The following PIK3R5 variants were observed in gnomAD, a reference collection of about 807,000 sequenced individuals.
PIK3R5 encodes phosphoinositide-3-kinase regulatory subunit 5.
Under a neutral mutation model 94.9 loss-of-function variants are expected in PIK3R5, and 32 were observed. That is an observed-to-expected ratio of 0.34 (90% CI 0.25 to 0.45). PIK3R5 has a LOEUF of 0.45. PIK3R5 is among the 20% of genes least tolerant of loss of function. The pLI, the probability that PIK3R5 is intolerant of heterozygous loss-of-function variation, is 1.00. For missense variants in PIK3R5, 853 were observed against 1,144.6 expected (o/e 0.75, Z 3.68); for synonymous variants, 443 against 479.4 (o/e 0.92, Z 0.99).
At chr17:8,919,371 T>C (rs1430641083) in intron 1 of PIK3R5, among the ~76,000 whole-genome samples, 1 of 152,224 alleles carries the variant, frequency 6.6e-6, no homozygotes, top group African/African-American at 2.4e-5. Flanking sequence ...TATCAAATGA[T>C]TCCCTACCTT....
chr17:8,933,422 G>A (rs2091020142), intron 1 of PIK3R5, among the ~76,000 whole-genome samples: 1 of 152,130 alleles, frequency 6.6e-6, no homozygotes, highest in Non-Finnish European at 1.5e-5. Context: ...ATGGTCACCA[G>A]CAGACATGTA....
intron 14 of PIK3R5, among the ~76,000 whole-genome samples, 165 bp downstream of exon 14, chr17:8,886,052 TCACCCAGCCACC>T (rs1280773120): frequency 1.4e-5 from 2 of 144,154 alleles, no homozygotes; most frequent in Non-Finnish European, 3.0e-5. Context: ...GCCTACCGGG[TCACCCAGCCACC>T]CCATGGCCCC....
intron 6 of PIK3R5, among the ~76,000 whole-genome samples, chr17:8,891,151 A>G (rs2090014089): frequency 6.6e-6 from 1 of 152,224 alleles, no homozygotes; most frequent in South Asian, 2.1e-4. Context: ...GTTTTCAAAG[A>G]TCTTTTCAAA....
intron 1 of PIK3R5, among the ~76,000 whole-genome samples, chr17:8,944,731 C>T (rs4791771): frequency 0.31 from 47,697 of 152,018 alleles, 8,896 homozygotes; most frequent in Non-Finnish European, 0.43. Flanking sequence ...GTGATCCTAA[C>T]GGAAGTACCA....
intron 5 of PIK3R5, among the ~76,000 whole-genome samples, chr17:8,902,276 A>C (rs1051236802): frequency 3.2e-5 from 1 of 31,224 alleles, no homozygotes; most frequent in African/African-American, 1.9e-4. Flanking sequence ...TTTTTTTTTT[A>C]GATGGAGTCT....
rs140068200 is a variant in PIK3R5 at position 8,942,096 on chromosome 17, C to A, written c.-14+23500G>T. ...ACCCTGCCAGCTCCTCACAACGGGG[C>A]CCTCATCTCCCATCCCATCTCCAGC... On this transcript the variant is annotated intron_variant, in intron 1 of 18. Transcript: ENST00000447110. Among the ~76,000 whole-genome samples the A allele has an allele frequency of 5.3e-3, 811 of 152,160 alleles. 4 individuals carry two copies. Among genetic ancestry groups the A allele is most frequent in the African/African-American group, 0.019 (776 of 41,502 alleles).
rs1031665081 is a variant in PIK3R5 at position 8,945,307 on chromosome 17, A to G, written c.-14+20289T>C. 6.6e-6 allele frequency among the ~76,000 whole-genome samples: 1 copy of G among 152,156 alleles called. No homozygotes were observed. Among genetic ancestry groups the G allele is most frequent in the African/African-American group, 2.4e-5 (1 of 41,426 alleles). On this transcript the variant is annotated intron_variant, in intron 1 of 18. Coordinates refer to ENST00000447110, the MANE Select transcript of PIK3R5 (RefSeq NM_001142633.3). This position sits in a 1 kb window ranked among gnomAD's most constrained non-coding sequence, Gnocchi z 4.0. ...GGGTCATTTGATTGACACTAGCTCCAAGAGATTCTTCCCTTACAATCAGTA... is the reference window on the plus strand; with the variant it reads ...GGGTCATTTGATTGACACTAGCTCCGAGAGATTCTTCCCTTACAATCAGTA...
Position 8,894,228 on chromosome 17 carries a change from G to A in PIK3R5, c.413-573C>T, listed in dbSNP as rs540534651. Among the ~76,000 whole-genome samples the A allele has an allele frequency of 2.6e-5, 4 of 152,350 alleles. No homozygotes were observed. In the South Asian group the frequency reaches 8.3e-4, roughly 32 times the overall value. On this transcript the variant is annotated intron_variant, in intron 5 of 18. Coordinates refer to ENST00000447110, the MANE Select transcript of PIK3R5 (RefSeq NM_001142633.3). ...AAGTTTCTCTCTTCAGAGACTGGGA[G>A]GCGGAGCATCGCAGGAGGCAGAACC...
intron 3 of PIK3R5, among the ~76,000 whole-genome samples, chr17:8,907,176 A>ACC (rs2090414272): frequency 6.7e-6 from 1 of 149,362 alleles, no homozygotes; most frequent in East Asian, 2.0e-4. Flanking sequence ...AGCACGTGCC[A>ACC]CCATACCCAG....
chr17:8,917,245 C>T (rs538551907), intron 1 of PIK3R5, among the ~76,000 whole-genome samples: 46 of 152,174 alleles, frequency 3.0e-4, no homozygotes, highest in Non-Finnish European at 6.3e-4. Context: ...CAGCACTTCT[C>T]TGAGGATTAT....
intron 5 of PIK3R5, among the ~76,000 whole-genome samples, chr17:8,894,502 A>G (rs1371568798): frequency 1.3e-5 from 2 of 152,124 alleles, no homozygotes; most frequent in Admixed American, 6.5e-5. Context: ...AGGCATCTGC[A>G]TCCCAGGCTC....
intron 1 of PIK3R5, chr17:8,912,078 C>G (rs1045641626): frequency 1.3e-5 from 2 of 152,482 alleles, no homozygotes; most frequent in Admixed American, 6.5e-5. Flanking sequence ...TTCTTTCCTT[C>G]CCCTGGGGCT....
rs1302064903 is a variant in PIK3R5 at position 8,884,353 on chromosome 17, G to A, written c.2205+354C>T. Among the ~76,000 whole-genome samples the A allele has an allele frequency of 6.6e-6, 1 of 151,532 alleles. No homozygotes were observed. The highest frequency in any genetic ancestry group is 2.4e-5 in the African/African-American group (1 of 41,224). On this transcript the variant is annotated intron_variant, in intron 15 of 18. Transcript: ENST00000447110. The surrounding 1 kb of genome is among the most constrained non-coding windows in gnomAD (Gnocchi z 5.8). ...TTGCATGCAGCCTGCCAGGCACACTGGCCCCCCGAGACCCTGGCTTCTCCC... is the reference window on the plus strand; with the variant it reads ...TTGCATGCAGCCTGCCAGGCACACTAGCCCCCCGAGACCCTGGCTTCTCCC...
chr17:8,947,345 T>A (rs990828858), intron 1 of PIK3R5, among the ~76,000 whole-genome samples: 1 of 152,178 alleles, frequency 6.6e-6, no homozygotes, highest in Non-Finnish European at 1.5e-5. Context: ...CCAAGAACAA[T>A]GAAAGCTTTG....
chr17:8,922,348 T>C (rs1443221381), intron 1 of PIK3R5, among the ~76,000 whole-genome samples: 3 of 152,142 alleles, frequency 2.0e-5, no homozygotes, highest in Admixed American at 6.5e-5. Flanking sequence ...CCCCAAGACA[T>C]TGATTACTTA....
intron 1 of PIK3R5, among the ~76,000 whole-genome samples, chr17:8,931,008 A>G (rs745482876): frequency 8.5e-5 from 13 of 152,184 alleles, no homozygotes; most frequent in Admixed American, 3.9e-4. Flanking sequence ...GTTTTGCAAG[A>G]TGTTACCATT....
At chr17:8,894,646 C>T (rs981093419) in intron 5 of PIK3R5, among the ~76,000 whole-genome samples, 32 of 152,310 alleles carry the variant, frequency 2.1e-4, no homozygotes, top group Admixed American at 1.9e-3. Flanking sequence ...GCACAGTAGT[C>T]GCTTTACAGT....
At chr17:8,894,273 C>T (rs1381967410) in intron 5 of PIK3R5, among the ~76,000 whole-genome samples, 3 of 152,306 alleles carry the variant, frequency 2.0e-5, no homozygotes, top group East Asian at 1.9e-4. Context: ...GAGGCTGCCC[C>T]GTCTTGTGCC....
Position 8,925,062 on chromosome 17 carries a change from A to G in PIK3R5, c.-13-13555T>C, listed in dbSNP as rs1489039863. 6.6e-6 allele frequency among the ~76,000 whole-genome samples: 1 copy of G among 152,166 alleles called. No individual in the cohort carries two copies. On this transcript the variant is annotated intron_variant, in intron 1 of 18. Coordinates refer to ENST00000447110, the MANE Select transcript of PIK3R5 (RefSeq NM_001142633.3). This position sits in a 1 kb window ranked among gnomAD's most constrained non-coding sequence, Gnocchi z 5.1. ...AGATGAATAGATAGATAGATAGTAG[A>G]TGGATAGATGGATAGATAGATAGTG...
Sources: gnomAD v4.1 joint callset for allele counts (sites outside exome capture counted in the v4.1 genomes callset) on GRCh38, gnomAD v4.1.1 for gene constraint, Gnocchi (gnomAD v3.1) non-coding constraint, MANE v1.5 for transcripts, NCBI Gene and HGNC (gene_info 2026-07-23, HGNC 2026-07-21) for gene names.